The following TMEM131 variants were observed in gnomAD, a reference collection of about 807,000 sequenced individuals.
TMEM131 encodes 2610524E03Rik.
In TMEM131, 66 loss-of-function variants were observed where a neutral mutation model predicts 211.6. That is an observed-to-expected ratio of 0.31 (90% CI 0.26 to 0.38). The LOEUF is 0.38. Ranked by LOEUF, TMEM131 falls within the 10% of genes least tolerant of loss-of-function variation. The pLI, the probability that TMEM131 is intolerant of heterozygous loss-of-function variation, is 1.00. For missense variants in TMEM131, 2,036 were observed against 2,299.3 expected, an observed-to-expected ratio of 0.89 and a Z score of 2.34; for synonymous variants, 844 against 841.3, an observed-to-expected ratio of 1.00 and a Z score of -0.06.
intron 4 of TMEM131, among the ~76,000 whole-genome samples, chr2:97,864,013 G>A (rs1674170544): frequency 6.6e-6 from 1 of 152,154 alleles, no homozygotes. Flanking sequence ...AAAAAATGTG[G>A]TACATATACA....
intron 11 of TMEM131, among the ~76,000 whole-genome samples, chr2:97,819,047 G>T (rs1681987938): frequency 1.3e-5 from 2 of 152,148 alleles, no homozygotes; most frequent in Admixed American, 1.3e-4. Flanking sequence ...CACCAGTGGA[G>T]GCGACATGAA....
chr2:97,993,070 G>C (rs2104689889), intron 1 of TMEM131, among the ~76,000 whole-genome samples: 1 of 152,220 alleles, frequency 6.6e-6, no homozygotes, highest in Admixed American at 6.5e-5. Context: ...ACTACATTAG[G>C]TAATTTATTT....
chr2:97,920,661 G>A lies in TMEM131; in HGVS notation c.249+6765C>T, dbSNP rs547610681. On this transcript the variant is annotated intron_variant, in intron 2 of 40. Coordinates refer to ENST00000186436, the MANE Select transcript of TMEM131 (RefSeq NM_015348.2). ...ATTTTATGTTGAGTCGTATGAAATT[G>A]CCACTTTTATAGATCAATAAAGGCC... Among the ~76,000 whole-genome samples, 4 of 152,242 alleles carry A rather than the reference G, an allele frequency of 2.6e-5. No individual in the cohort carries two copies. The South Asian group carries it at 8.3e-4, about 32-fold the overall frequency.
At chr2:97,764,637 G>C (rs985400133) in intron 35 of TMEM131, 1 of 152,338 alleles carries the variant, frequency 6.6e-6, no homozygotes, top group Non-Finnish European at 1.5e-5. Flanking sequence ...GGAAGAGCCA[G>C]GCAGGAAACT....
At chr2:97,951,906 C>A (rs1039175560) in intron 1 of TMEM131, among the ~76,000 whole-genome samples, 1 of 152,136 alleles carries the variant, frequency 6.6e-6, no homozygotes, top group Non-Finnish European at 1.5e-5. Context: ...CACCTGTAAT[C>A]CCAGCATTAT....
chr2:97,815,099 T>C, intron 13 of TMEM131, 100 bp downstream of exon 13: 1 of 562,350 alleles, frequency 1.8e-6, no homozygotes, highest in Non-Finnish European at 2.8e-6. Flanking sequence ...TCCATCAAGT[T>C]TATGTGAACG....
chr2:97,922,663 G>A (rs1211864538), intron 2 of TMEM131, among the ~76,000 whole-genome samples: 1 of 152,076 alleles, frequency 6.6e-6, no homozygotes, highest in African/African-American at 2.4e-5. Context: ...ATGTGACCCT[G>A]TAGTATTTAG....
intron 31 of TMEM131, among the ~76,000 whole-genome samples, chr2:97,782,968 A>T (rs1465762017): frequency 7.7e-6 from 1 of 129,708 alleles, no homozygotes; most frequent in African/African-American, 2.9e-5. Flanking sequence ...ATATAGACTT[A>T]AAAAAAAAAA....
At chr2:97,851,987 T>C (rs1043930913) in intron 5 of TMEM131, among the ~76,000 whole-genome samples, 2 of 152,168 alleles carry the variant, frequency 1.3e-5, no homozygotes, top group Non-Finnish European at 2.9e-5. Context: ...GGCTCAAAGC[T>C]AGGCCTTTAG....
intron 13 of TMEM131, among the ~76,000 whole-genome samples, 163 bp from the exon 14 acceptor site, chr2:97,814,551 AC>A (rs796176552): frequency 1.9e-4 from 29 of 152,336 alleles, no homozygotes; most frequent in African/African-American, 7.0e-4. Flanking sequence ...ATGATTTAAA[AC>A]AAAATTTAGC....
intron 11 of TMEM131, among the ~76,000 whole-genome samples, chr2:97,829,652 T>G (rs779635172): frequency 6.6e-6 from 1 of 152,130 alleles, no homozygotes; most frequent in Non-Finnish European, 1.5e-5. Flanking sequence ...GTTCTTTCGC[T>G]CTTAATAAAT....
intron 31 of TMEM131, among the ~76,000 whole-genome samples, chr2:97,784,549 G>T (rs1010772583): frequency 1.3e-5 from 2 of 151,872 alleles, no homozygotes; most frequent in East Asian, 1.9e-4. Flanking sequence ...AAATGGAAGG[G>T]AATGAAACTG....
At chr2:97,761,500 G>C (rs549058909) in intron 36 of TMEM131, 1 of 158,758 alleles carries the variant, frequency 6.3e-6, no homozygotes, top group African/African-American at 2.4e-5. Context: ...AGGCGGACAC[G>C]AGTGAGGCTC....
At position 97,807,476 on chromosome 2, in the gene TMEM131, T is replaced by C. The variant is rs1014355187; in HGVS notation, c.2056-1773A>G. 3.2e-4 allele frequency among the ~76,000 whole-genome samples: 48 copies of C among 152,228 alleles called. 2 individuals are homozygous for C. Among genetic ancestry groups the C allele is most frequent in the Non-Finnish European group, 4.4e-5 (3 of 68,044 alleles). On this transcript the variant is annotated intron_variant, in intron 19 of 40. Coordinates refer to ENST00000186436, the MANE Select transcript of TMEM131 (RefSeq NM_015348.2). ...TCTCTTGCCATGTGATCTTTGCACATGCCAGCTCCTCTTTGCCTTCCAATA... is the reference window on the plus strand; with the variant it reads ...TCTCTTGCCATGTGATCTTTGCACACGCCAGCTCCTCTTTGCCTTCCAATA...
intron 38 of TMEM131, 61 bp downstream of exon 38, chr2:97,760,531 AG>A: frequency 4.5e-6 from 6 of 1,339,724 alleles, no homozygotes; most frequent in Non-Finnish European, 6.2e-6. Flanking sequence ...ATGGATAAAA[AG>A]GTGCTAACCC....
chr2:97,943,965 G>A lies in TMEM131; in HGVS notation c.188-16478C>T, dbSNP rs529503532. Reference sequence around the variant, plus strand: ...GGCATGGTGGTGCGCGCCTGTAGTCGCAGCTACCTGGGAGGCTGAGGCAGG... The same window carrying A: ...GGCATGGTGGTGCGCGCCTGTAGTCACAGCTACCTGGGAGGCTGAGGCAGG... On this transcript the variant is annotated intron_variant, in intron 1 of 40. Coordinates refer to ENST00000186436, the MANE Select transcript of TMEM131 (RefSeq NM_015348.2). 7.9e-5 allele frequency among the ~76,000 whole-genome samples: 12 copies of A among 152,054 alleles called. No homozygotes were observed. In the East Asian group the frequency reaches 1.7e-3, roughly 22 times the overall value.
intron 11 of TMEM131, among the ~76,000 whole-genome samples, chr2:97,831,094 A>T (rs1194756076): frequency 6.6e-6 from 1 of 152,210 alleles, no homozygotes; most frequent in Non-Finnish European, 1.5e-5. Context: ...TAAGGTGGGA[A>T]ATCTAAGCCA....
intron 3 of TMEM131, among the ~76,000 whole-genome samples, chr2:97,895,718 C>T (rs544665026): frequency 1.3e-5 from 2 of 152,046 alleles, no homozygotes; most frequent in African/African-American, 4.8e-5. Context: ...TGGTGATATC[C>T]CCTTTATCAT....
At chr2:97,969,746 T>A (rs1679216305) in intron 1 of TMEM131, among the ~76,000 whole-genome samples, 1 of 152,222 alleles carries the variant, frequency 6.6e-6, no homozygotes, top group African/African-American at 2.4e-5. Flanking sequence ...ACTATGAAAC[T>A]GAAAGCCACG....
Sources: gnomAD v4.1 joint callset for allele counts (sites outside exome capture counted in the v4.1 genomes callset) on GRCh38, gnomAD v4.1.1 for gene constraint, MANE v1.5 for transcripts, NCBI Gene and HGNC (gene_info 2026-07-23, HGNC 2026-07-21) for gene names.